Variants in PEX7 observed in about 807,000 individuals in gnomAD.
The protein encoded by PEX7 is PTS2 receptor.
PEX7 carries 34 observed loss-of-function variants against 47.5 expected under a neutral mutation model. The ratio of observed to expected loss-of-function variants is 0.72; its 90% CI spans 0.54 to 0.95. The LOEUF (loss-of-function observed/expected upper bound fraction) is 0.95. Among genes scored for constraint, PEX7 ranks in the 40% least tolerant of loss-of-function variants. The pLI, the probability that PEX7 is intolerant of heterozygous loss-of-function variation, is 0.00. For synonymous variants in PEX7, 141 were observed against 148.8 expected (o/e 0.95, Z 0.38); for missense variants, 394 against 400.3 (o/e 0.98, Z 0.13).
At chr6:136,885,928 T>A (rs1017904718) in intron 8 of PEX7, among the ~76,000 whole-genome samples, 1 of 152,178 alleles carries the variant, frequency 6.6e-6, no homozygotes, top group Non-Finnish European at 1.5e-5. Flanking sequence ...ATGGAGATGC[T>A]AATAGTACCC....
intron 3 of PEX7, among the ~76,000 whole-genome samples, chr6:136,830,835 A>G (rs1582735684): frequency 1.3e-5 from 2 of 152,228 alleles, no homozygotes; most frequent in Admixed American, 6.5e-5. Context: ...ATTTGTTCTC[A>G]TAGTCAAATA....
At chr6:136,869,499 AG>A (rs1278855277) in intron 6 of PEX7, among the ~76,000 whole-genome samples, 1 of 152,132 alleles carries the variant, frequency 6.6e-6, no homozygotes, top group Non-Finnish European at 1.5e-5. Flanking sequence ...TTGCCTCCCA[AG>A]GTGCTGGAAT....
At chr6:136,865,436 T>A (rs1775045359) in intron 5 of PEX7, among the ~76,000 whole-genome samples, 1 of 152,134 alleles carries the variant, frequency 6.6e-6, no homozygotes, top group Admixed American at 6.5e-5. Context: ...GTAGCTGGGA[T>A]TACAGGCACC....
chr6:136,855,210 A>T, intron 5 of PEX7, among the ~76,000 whole-genome samples: 1 of 152,196 alleles, frequency 6.6e-6, no homozygotes, highest in East Asian at 1.9e-4. Context: ...ATAATTTTGT[A>T]TATTTGGAAA....
intron 8 of PEX7, among the ~76,000 whole-genome samples, chr6:136,886,502 C>T (rs1456702626): frequency 6.6e-6 from 1 of 152,122 alleles, no homozygotes; most frequent in Non-Finnish European, 1.5e-5. Context: ...AATGAGAATA[C>T]TAGTAGTAAT....
Position 136,900,788 on chromosome 6 carries a change from C to A in PEX7, c.903+2547C>A, listed in dbSNP as rs770180739. The A allele has an allele frequency of 3.0e-6, 1 of 331,018 alleles. No individual in the cohort carries two copies. The highest frequency in any genetic ancestry group is 5.8e-6 in the Non-Finnish European group (1 of 173,306). 20.5% of individuals were successfully genotyped at this position (331,018 alleles called of 1,614,324 possible). A position where few individuals can be genotyped will look rare whatever the true frequency, so the allele number is the denominator to read the frequency against. On this transcript the variant is annotated intron_variant, in intron 9 of 9. Coordinates refer to ENST00000318471, the MANE Select transcript of PEX7 (RefSeq NM_000288.4). The surrounding 1 kb of genome is among the most constrained non-coding windows in gnomAD (Gnocchi z 4.2). ...AGGACAGGTGGTCTCTTAGTGGGGACATCCCCTTTGCCAACAGCTTTCTTC... is the reference window on the plus strand; with the variant it reads ...AGGACAGGTGGTCTCTTAGTGGGGAAATCCCCTTTGCCAACAGCTTTCTTC...
At chr6:136,842,481 C>T (rs9483954) in intron 3 of PEX7, among the ~76,000 whole-genome samples, 2,397 of 152,228 alleles carry the variant, frequency 0.016, 74 homozygotes, top group African/African-American at 0.055. Context: ...TCTCTTGAGC[C>T]GGTGGAGGCT....
chr6:136,874,956 A>C (rs919591161), intron 8 of PEX7, among the ~76,000 whole-genome samples: 1 of 152,082 alleles, frequency 6.6e-6, no homozygotes, highest in African/African-American at 2.4e-5. Flanking sequence ...CCTGACCAAC[A>C]TGGTGAAACC....
At chr6:136,868,908 C>A (rs1370593819) in intron 6 of PEX7, among the ~76,000 whole-genome samples, 25 of 152,026 alleles carry the variant, frequency 1.6e-4, no homozygotes, top group Admixed American at 1.6e-3. Flanking sequence ...TGATTACATT[C>A]TTGGATATGA....
chr6:136,853,347 G>A (rs962176653), intron 5 of PEX7, among the ~76,000 whole-genome samples: 1 of 152,190 alleles, frequency 6.6e-6, no homozygotes, highest in Non-Finnish European at 1.5e-5. Flanking sequence ...CTTTTGTGCA[G>A]TTGGCTGTTT....
Position 136,869,896 on chromosome 6 carries a change from C to T in PEX7, c.640C>T (p.Leu214=), listed in dbSNP as rs1582759870. 1.2e-6 allele frequency: 2 copies of T among 1,612,630 alleles called. No individual in the cohort carries two copies. Among genetic ancestry groups the T allele is most frequent in the East Asian group, 2.2e-5 (1 of 44,850 alleles). Residue 214 remains leucine, a synonymous_variant, in exon 7 of 10, where the codon CTG becomes TTG. Transcript: ENST00000318471. ...CDWCKYNENL[L]VTGAVDCSLR... ...TTCTCTGAATTGTTTTTAGAATTTG[C>T]TGGTGACCGGGGCGGTTGACTGTAG...
intron 8 of PEX7, among the ~76,000 whole-genome samples, chr6:136,887,086 C>G (rs1394423118): frequency 6.6e-6 from 1 of 152,014 alleles, no homozygotes; most frequent in African/African-American, 2.4e-5. Flanking sequence ...CAGGTGACCA[C>G]TTCTATTTCA....
At chr6:136,855,115 T>C (rs999818692) in intron 5 of PEX7, among the ~76,000 whole-genome samples, 1 of 151,806 alleles carries the variant, frequency 6.6e-6, no homozygotes, top group African/African-American at 2.4e-5. Context: ...GAAGCATGCT[T>C]CTGTTCTAGT....
At chr6:136,905,563 A>G (rs1408821753) in intron 9 of PEX7, among the ~76,000 whole-genome samples, 2 of 152,130 alleles carry the variant, frequency 1.3e-5, no homozygotes, top group African/African-American at 2.4e-5. Flanking sequence ...ATTTAGCCAT[A>G]TAATTTTGAT....
chr6:136,882,379 T>C (rs1335767209), intron 8 of PEX7, among the ~76,000 whole-genome samples: 1 of 151,914 alleles, frequency 6.6e-6, no homozygotes, highest in African/African-American at 2.4e-5. Flanking sequence ...GGTTTTACCA[T>C]GTTGGCCAGG....
chr6:136,899,973 C>A (rs1775725720), intron 9 of PEX7, among the ~76,000 whole-genome samples: 1 of 152,088 alleles, frequency 6.6e-6, no homozygotes. Context: ...AAATATGGCA[C>A]CCCAAACAAA....
chr6:136,846,157 C>T lies in PEX7; in HGVS notation c.502C>T (p.Pro168Ser), dbSNP rs748601253. 11 of 1,612,210 alleles carry T rather than the reference C, an allele frequency of 6.8e-6. No individual in the cohort carries two copies. Among genetic ancestry groups the T allele is most frequent in the Non-Finnish European group, 9.3e-6 (11 of 1,178,504 alleles). The change falls in exon 5 of 10, where the codon CCT (proline) becomes TCT (serine). Residue 168 changes from proline to serine, a missense_variant. Physicochemically the swap from Pro to Ser is moderately conservative, Grantham distance 74. Coordinates refer to ENST00000318471, the MANE Select transcript of PEX7 (RefSeq NM_000288.4). ...IYSTIWSPHI[P>S]GCFASASGDQ... The stretch of plus-strand genomic sequence containing the variant: ...TAGCACAATCTGGTCTCCCCACATC[C>T]CTGGTTGTTTTGCTTCAGCCTCAGG...
chr6:136,830,141 A>T, intron 3 of PEX7: 1 of 674,150 alleles, frequency 1.5e-6, no homozygotes, highest in Non-Finnish European at 2.7e-6. Flanking sequence ...TTTGTAAGTT[A>T]CCTGTTGTGA....
chr6:136,844,196 C>T (rs1330433423), intron 3 of PEX7, among the ~76,000 whole-genome samples: 2 of 151,898 alleles, frequency 1.3e-5, no homozygotes, highest in Non-Finnish European at 2.9e-5. Context: ...GAGACACTGT[C>T]TCTACAGAAA....
Sources: allele counts gnomAD v4.1 joint callset (sites outside exome capture counted in the v4.1 genomes callset), GRCh38; gene constraint gnomAD v4.1.1; non-coding constraint Gnocchi (gnomAD v3.1); transcripts MANE v1.5; gene names NCBI Gene and HGNC (gene_info 2026-07-23, HGNC 2026-07-21).